Variants in RBFOX1 observed in about 807,000 individuals in gnomAD.
RBFOX1 encodes RNA binding protein fox-1 homolog 1.
A neutral mutation model predicts 57.7 loss-of-function variants in RBFOX1; 8 were observed. That is an observed-to-expected ratio of 0.14 (90% CI 0.08 to 0.25). RBFOX1 has a LOEUF of 0.25. Ranked by LOEUF, RBFOX1 falls within the 10% of genes least tolerant of loss-of-function variation. The pLI is 1.00. For synonymous variants in RBFOX1, 326 were observed against 222.4 expected, an observed-to-expected ratio of 1.47 and a Z score of -4.15; for missense variants, 611 against 548.5, an observed-to-expected ratio of 1.11 and a Z score of -1.14.
intron 3 of RBFOX1, among the ~76,000 whole-genome samples, chr16:6,998,979 G>A (rs939685288): frequency 5.3e-5 from 8 of 150,930 alleles, no homozygotes; most frequent in African/African-American, 1.2e-4. Flanking sequence ...AGCGATTCTC[G>A]TGCCTCGGCA....
At chr16:6,737,045 G>A (rs1176254317) in intron 3 of RBFOX1, among the ~76,000 whole-genome samples, 1 of 152,138 alleles carries the variant, frequency 6.6e-6, no homozygotes, top group East Asian at 1.9e-4. Flanking sequence ...AGTATTCAGT[G>A]AACATCTACC....
At chr16:5,835,592 C>T (rs2151836371) in intron 3 of RBFOX1, among the ~76,000 whole-genome samples, 1 of 152,282 alleles carries the variant, frequency 6.6e-6, no homozygotes, top group African/African-American at 2.4e-5. Flanking sequence ...GCATTCCTAA[C>T]AGGCACTCCC....
In RBFOX1 at chr16:5,989,151, T is replaced by G. The variant is rs537944375; in HGVS notation, c.351+121816T>G. Among the ~76,000 whole-genome samples the G allele has an allele frequency of 3.6e-3, 527 of 147,212 alleles. 1 individual carries two copies. Among genetic ancestry groups the G allele is most frequent in the Non-Finnish European group, 5.6e-3 (373 of 66,776 alleles). On this transcript the variant is annotated intron_variant, in intron 4 of 19. Coordinates refer to the RBFOX1 transcript ENST00000641259. ...CTGACTAACACAGTGAAACCCTGTC[T>G]CTACTAAAAAAAAAAAAAAAATACA...
chr16:7,099,010 T>C lies in RBFOX1; in HGVS notation c.27+46912T>C, dbSNP rs1330820690. ...TTGATGGCTGCCTCTTTTTGGTGGG[T>C]CAGTGTCCAAACTCTCTCTTGTTAA... On this transcript the variant is annotated intron_variant, in intron 4 of 15. Transcript: ENST00000550418. Among the ~76,000 whole-genome samples the C allele has an allele frequency of 2.6e-5, 4 of 152,242 alleles. No individual in the cohort carries two copies. In the South Asian group the frequency reaches 6.2e-4, roughly 24 times the overall value.
At chr16:5,871,019 C>G (rs17641598) in intron 4 of RBFOX1, among the ~76,000 whole-genome samples, 24,679 of 152,158 alleles carry the variant, frequency 0.16, 2,553 homozygotes, top group Non-Finnish European at 0.23. Context: ...TTTCTCTCTG[C>G]AGATTGACAG....
intron 1 of RBFOX1, among the ~76,000 whole-genome samples, chr16:6,207,895 C>T (rs1262315493): frequency 6.6e-6 from 1 of 151,940 alleles, no homozygotes; most frequent in Non-Finnish European, 1.5e-5. Context: ...GTTGCCTAGG[C>T]TGAGTGATGA....
At chr16:7,035,473 T>A (rs756749006) in intron 3 of RBFOX1, among the ~76,000 whole-genome samples, 2 of 152,202 alleles carry the variant, frequency 1.3e-5, no homozygotes, top group African/African-American at 2.4e-5. Flanking sequence ...AGATAAGACT[T>A]CCCCTGGGAT....
chr16:6,962,326 C>G (rs1447028148), intron 3 of RBFOX1, among the ~76,000 whole-genome samples: 2 of 152,134 alleles, frequency 1.3e-5, no homozygotes, highest in Non-Finnish European at 2.9e-5. Flanking sequence ...AGATCCTTAG[C>G]TTAATGACAT....
chr16:7,266,834 G>T (rs186187652), intron 4 of RBFOX1, among the ~76,000 whole-genome samples: 21 of 152,274 alleles, frequency 1.4e-4, no homozygotes, highest in African/African-American at 5.1e-4. Flanking sequence ...TACAAGTTTG[G>T]AAACTGTTTT....
At chr16:6,171,763 T>C (rs193181304) in intron 1 of RBFOX1, among the ~76,000 whole-genome samples, 3 of 152,220 alleles carry the variant, frequency 2.0e-5, no homozygotes, top group East Asian at 3.9e-4. Context: ...GTAAGAGTGA[T>C]TGTGAACCAA....
At chr16:6,263,431 A>G (rs541468692) in intron 1 of RBFOX1, among the ~76,000 whole-genome samples, 37 of 152,288 alleles carry the variant, frequency 2.4e-4, no homozygotes, top group African/African-American at 8.2e-4. Context: ...GGTTGGGGGA[A>G]AAAAGTAAAC....
At chr16:7,702,124 C>A (rs547112408) in intron 14 of RBFOX1, among the ~76,000 whole-genome samples, 2 of 152,138 alleles carry the variant, frequency 1.3e-5, no homozygotes, top group Non-Finnish European at 1.5e-5. Context: ...CAAATGGATG[C>A]GCACTGGGAT....
At chr16:5,574,714 C>T (rs939867695) in intron 2 of RBFOX1, among the ~76,000 whole-genome samples, 1 of 152,120 alleles carries the variant, frequency 6.6e-6, no homozygotes, top group Non-Finnish European at 1.5e-5. Context: ...TGCTTTTAAA[C>T]GTCAATGCTT....
chr16:7,022,764 T>C (rs190537311), intron 3 of RBFOX1, among the ~76,000 whole-genome samples: 1 of 152,176 alleles, frequency 6.6e-6, no homozygotes, highest in Non-Finnish European at 1.5e-5. Context: ...TCCTAATGTT[T>C]GGTATATTAG....
chr16:6,260,018 A>G (rs1257340040), intron 1 of RBFOX1, among the ~76,000 whole-genome samples: 2 of 151,856 alleles, frequency 1.3e-5, no homozygotes, highest in Non-Finnish European at 1.5e-5. Flanking sequence ...ATCTCTGCAC[A>G]TGGCCCTTTT....
chr16:6,729,291 T>G (rs182922837), intron 3 of RBFOX1, among the ~76,000 whole-genome samples: 2 of 152,170 alleles, frequency 1.3e-5, no homozygotes, highest in African/African-American at 4.8e-5. Context: ...GATCAAGATT[T>G]GTTTAGAAGC....
At chr16:6,737,836 C>T (rs141012097) in intron 3 of RBFOX1, among the ~76,000 whole-genome samples, 8 of 152,160 alleles carry the variant, frequency 5.3e-5, no homozygotes, top group African/African-American at 1.9e-4. Context: ...TTATTTGGGA[C>T]ATTGCAGACT....
At chr16:7,298,848 G>C (rs2095962392) in intron 4 of RBFOX1, among the ~76,000 whole-genome samples, 1 of 152,194 alleles carries the variant, frequency 6.6e-6, no homozygotes, top group Non-Finnish European at 1.5e-5. Context: ...CTGAGGAGGA[G>C]GAGGAGGACG....
chr16:6,959,871 A>C (rs1411413124), intron 3 of RBFOX1, among the ~76,000 whole-genome samples: 1 of 152,104 alleles, frequency 6.6e-6, no homozygotes, highest in African/African-American at 2.4e-5. Context: ...TAGGAGGCGG[A>C]CATGTAGTGA....
Sources: allele counts gnomAD v4.1 joint callset (sites outside exome capture counted in the v4.1 genomes callset), GRCh38; gene constraint gnomAD v4.1.1; transcripts MANE v1.5; gene names NCBI Gene and HGNC (gene_info 2026-07-23, HGNC 2026-07-21).